FAM13A: variants seen among roughly 807,000 people sequenced by gnomAD.
The protein encoded by FAM13A is family with sequence similarity 13 member A, also known as protein FAM13A.
FAM13A carries 76 observed loss-of-function variants against 129.6 expected under a neutral mutation model. The observed-to-expected ratio is 0.59, with a 90% CI of 0.49 to 0.71. The LOEUF is 0.71. Among genes scored for constraint, FAM13A ranks in the 30% least tolerant of loss-of-function variants. FAM13A has a pLI of 0.00. For synonymous variants in FAM13A, 443 were observed against 449.9 expected, an observed-to-expected ratio of 0.98 and a Z score of 0.20; for missense variants, 1,108 against 1,249.3, an observed-to-expected ratio of 0.89 and a Z score of 1.70.
intron 4 of FAM13A, among the ~76,000 whole-genome samples, chr4:88,945,990 G>GTGTGTGTATATATATA: frequency 1.7e-3 from 106 of 61,864 alleles, no homozygotes; most frequent in South Asian, 2.5e-3. Context: ...GTGTGTGTGT[G>GTGTGTGTATATATATA]TATATATATA....
At chr4:88,858,777 G>A (rs80210430) in intron 6 of FAM13A, among the ~76,000 whole-genome samples, 361 of 152,290 alleles carry the variant, frequency 2.4e-3, no homozygotes, top group African/African-American at 8.3e-3. Context: ...TTTCTTTTGA[G>A]GGTAATGAAA....
chr4:88,881,728 A>G (rs1743603907), intron 6 of FAM13A, among the ~76,000 whole-genome samples: 1 of 152,228 alleles, frequency 6.6e-6, no homozygotes, highest in African/African-American at 2.4e-5. Flanking sequence ...AACAAAAAAA[A>G]TGATATAACA....
intron 3 of FAM13A, among the ~76,000 whole-genome samples, chr4:89,019,017 C>T (rs1272015276): frequency 4.6e-5 from 7 of 152,146 alleles, no homozygotes; most frequent in Non-Finnish European, 1.0e-4. Flanking sequence ...CCAGGGGCTG[C>T]AGAGAAGTGA....
chr4:89,035,646 G>C (rs1264004565), intron 1 of FAM13A, among the ~76,000 whole-genome samples: 2 of 152,192 alleles, frequency 1.3e-5, no homozygotes, highest in Admixed American at 1.3e-4. Flanking sequence ...GGCTGGGTGG[G>C]AGGTGATTGG....
intron 11 of FAM13A, 145 bp from the exon 12 acceptor site, chr4:88,768,204 G>C: frequency 7.5e-6 from 4 of 534,900 alleles, no homozygotes; most frequent in Non-Finnish European, 1.3e-5. Flanking sequence ...GTTTAAACTA[G>C]TAAAATTATG....
chr4:89,000,896 T>C (rs998531896), intron 3 of FAM13A, among the ~76,000 whole-genome samples: 2 of 152,236 alleles, frequency 1.3e-5, no homozygotes, highest in African/African-American at 2.4e-5. Context: ...ATAAAGAGAA[T>C]AGCCTAAAAC....
intron 4 of FAM13A, among the ~76,000 whole-genome samples, chr4:88,944,764 A>G (rs746451038): frequency 4.6e-5 from 7 of 152,082 alleles, no homozygotes; most frequent in Non-Finnish European, 8.8e-5. Context: ...TTAGCTGGGC[A>G]TGGTGGTGGG....
At chr4:88,903,358 GTA>G (rs1267425907) in intron 6 of FAM13A, among the ~76,000 whole-genome samples, 2 of 152,292 alleles carry the variant, frequency 1.3e-5, no homozygotes, top group Admixed American at 1.3e-4. Flanking sequence ...CAAGGCTACA[GTA>G]ACCAAACAGC....
intron 5 of FAM13A, among the ~76,000 whole-genome samples, chr4:88,929,824 A>G (rs1041344104): frequency 3.3e-5 from 5 of 151,970 alleles, no homozygotes; most frequent in Non-Finnish European, 7.4e-5. Flanking sequence ...TGCAACCTCA[A>G]TTTTCTGGTC....
chr4:88,857,218 A>G (rs1307560604), intron 6 of FAM13A, among the ~76,000 whole-genome samples: 3 of 152,234 alleles, frequency 2.0e-5, no homozygotes, highest in Admixed American at 6.5e-5. Context: ...ATAACTAATT[A>G]AAATCTCATC....
At chr4:88,987,582 C>T (rs1762392389) in intron 4 of FAM13A, among the ~76,000 whole-genome samples, 2 of 152,078 alleles carry the variant, frequency 1.3e-5, no homozygotes, top group South Asian at 2.1e-4. Context: ...AGGCTGGGCG[C>T]GGTGGCCCAC....
At chr4:88,992,531 G>C (rs76908643) in intron 3 of FAM13A, among the ~76,000 whole-genome samples, 1 of 151,912 alleles carries the variant, frequency 6.6e-6, no homozygotes, top group Non-Finnish European at 1.5e-5. Flanking sequence ...CACCACACCC[G>C]GCCAGAATAA....
intron 22 of FAM13A, 74 bp from the exon 23 acceptor site, chr4:88,731,502 A>C: frequency 4.7e-6 from 4 of 858,628 alleles, no homozygotes; most frequent in Non-Finnish European, 7.4e-6. Flanking sequence ...TGTGTAACTC[A>C]ACAGGAGCTG....
intron 1 of FAM13A, among the ~76,000 whole-genome samples, chr4:89,030,641 A>T (rs557604535): frequency 6.6e-6 from 1 of 152,296 alleles, no homozygotes; most frequent in South Asian, 2.1e-4. Context: ...ATTACATTCA[A>T]TCTAGAGTTG....
intron 5 of FAM13A, among the ~76,000 whole-genome samples, chr4:88,926,225 AC>A (rs567524888): frequency 6.6e-6 from 1 of 151,940 alleles, no homozygotes; most frequent in East Asian, 1.9e-4. Context: ...GGTAAGGCTT[AC>A]CCCCCATCCC....
chr4:89,029,119 A>G (rs539158097), intron 2 of FAM13A, among the ~76,000 whole-genome samples: 128 of 152,372 alleles, frequency 8.4e-4, no homozygotes, highest in Non-Finnish European at 1.4e-3. Flanking sequence ...GTTTGATTAC[A>G]TTAAAAATTA....
intron 6 of FAM13A, among the ~76,000 whole-genome samples, chr4:88,859,857 T>C (rs892097384): frequency 3.9e-5 from 6 of 151,978 alleles, no homozygotes; most frequent in African/African-American, 1.4e-4. Context: ...CCACATGTTG[T>C]CCTTATTAGA....
intron 4 of FAM13A, among the ~76,000 whole-genome samples, chr4:88,980,259 T>A (rs867810740): frequency 6.6e-6 from 1 of 152,214 alleles, no homozygotes; most frequent in Middle Eastern, 3.2e-3. Context: ...TAAACTGACG[T>A]GTGACCAGGG....
In FAM13A at chr4:89,020,645, C is replaced by T. The variant is rs1295998683; in HGVS notation, c.242G>A (p.Arg81Lys). 1.2e-6 allele frequency: 2 copies of T among 1,614,040 alleles called. No individual in the cohort carries two copies. Among genetic ancestry groups the T allele is most frequent in the Admixed American group, 3.3e-5 (2 of 60,004 alleles). The stretch of plus-strand genomic sequence containing the variant: ...CACCACCTTCACGTTACCATTCACC[C>T]TAAAAAGACCTTCTTGGGTAAGTCC... ...QHGLTQEGLF[R>K]VNGNVKVVEQ... Residue 81 changes from arginine (R) to lysine (K), a missense_variant, in exon 3 of 24, where the codon AGG (arginine) becomes AAG (lysine). Physicochemically the swap from Arg to Lys is conservative, Grantham distance 26 (BLOSUM62 2). Around this residue, in one of 3 missense-constraint regions of FAM13A, gnomAD observed 566 missense variants for 595.7 expected, o/e 0.95. Coordinates refer to ENST00000264344, the MANE Select transcript of FAM13A (RefSeq NM_014883.4).
Sources: allele counts gnomAD v4.1 joint callset (sites outside exome capture counted in the v4.1 genomes callset), GRCh38; gene constraint gnomAD v4.1.1; regional missense constraint gnomAD v4.1.1; transcripts MANE v1.5; gene names NCBI Gene and HGNC (gene_info 2026-07-23, HGNC 2026-07-21).